Variants in TAS2R1 observed in about 807,000 individuals in gnomAD.
TAS2R1 encodes taste 2 receptor member 1, also known as taste receptor type 2 member 1.
For synonymous variants in TAS2R1, 141 were observed against 134.2 expected (o/e 1.05, Z -0.35); for missense variants, 370 against 353.4 (o/e 1.05, Z -0.38).
chr5:9,746,926 A>G, the TAS2R1 span, among the ~76,000 whole-genome samples: 2 of 152,230 alleles, frequency 1.3e-5, no homozygotes, highest in Non-Finnish European at 2.9e-5. Context: ...CAGAAGTTAA[A>G]GTAAAATAAA....
At chr5:9,635,583 T>C (rs1739948724) in intron 2 of TAS2R1, among the ~76,000 whole-genome samples, 1 of 151,866 alleles carries the variant, frequency 6.6e-6, no homozygotes, top group Non-Finnish European at 1.5e-5. Context: ...GTTCTGGACA[T>C]TTTTGTTGTG....
the TAS2R1 span, among the ~76,000 whole-genome samples, chr5:9,727,774 G>A: frequency 4.3e-4 from 66 of 152,300 alleles, no homozygotes; most frequent in African/African-American, 1.5e-3. Context: ...GTGTCTGCGT[G>A]GTCGGCTTCT....
chr5:9,890,237 A>G, the TAS2R1 span, among the ~76,000 whole-genome samples: 4 of 152,192 alleles, frequency 2.6e-5, no homozygotes. Flanking sequence ...TTCTCTCAAA[A>G]AGGCCGCCTA....
At chr5:9,692,152 G>GT (rs1196336166) in intron 1 of TAS2R1, among the ~76,000 whole-genome samples, 1 of 152,112 alleles carries the variant, frequency 6.6e-6, no homozygotes, top group African/African-American at 2.4e-5. Context: ...TTTCTCCCTT[G>GT]GTTCGTGTGA....
chr5:9,881,217 CAGAG>C, the TAS2R1 span, among the ~76,000 whole-genome samples: 1 of 151,894 alleles, frequency 6.6e-6, no homozygotes, highest in South Asian at 2.1e-4. Context: ...AGTAGACAAA[CAGAG>C]AGCCAAATCA....
the TAS2R1 span, among the ~76,000 whole-genome samples, chr5:9,817,803 G>A: frequency 2.7e-5 from 4 of 150,188 alleles, no homozygotes; most frequent in African/African-American, 7.3e-5. Flanking sequence ...GAGGCTTCAG[G>A]AAACTTACAA....
chr5:9,777,168 C>T, the TAS2R1 span, among the ~76,000 whole-genome samples: 2 of 152,064 alleles, frequency 1.3e-5, no homozygotes, highest in South Asian at 2.1e-4. Context: ...TTTGCTGCAT[C>T]GATTGACTCT....
At chr5:9,865,542 A>G in the TAS2R1 span, among the ~76,000 whole-genome samples, 1 of 152,124 alleles carries the variant, frequency 6.6e-6, no homozygotes, top group Non-Finnish European at 1.5e-5. Context: ...TTTCCTCTGA[A>G]CTGAAGAACT....
chr5:9,743,391 C>A, the TAS2R1 span, among the ~76,000 whole-genome samples: 3 of 151,886 alleles, frequency 2.0e-5, no homozygotes, highest in Non-Finnish European at 2.9e-5. Context: ...CATATGTATA[C>A]ATGTGCCATG....
At chr5:9,861,770 G>A in the TAS2R1 span, among the ~76,000 whole-genome samples, 1 of 152,150 alleles carries the variant, frequency 6.6e-6, no homozygotes. Flanking sequence ...TCAAATTTAG[G>A]ATGAGGGAGT....
At chr5:9,879,000 A>T in the TAS2R1 span, among the ~76,000 whole-genome samples, 1 of 152,206 alleles carries the variant, frequency 6.6e-6, no homozygotes, top group Non-Finnish European at 1.5e-5. Flanking sequence ...GCCTACCATC[A>T]CTAACTTCCA....
At chr5:9,648,250 T>G (rs1325950211) in intron 2 of TAS2R1, among the ~76,000 whole-genome samples, 1 of 152,148 alleles carries the variant, frequency 6.6e-6, no homozygotes, top group African/African-American at 2.4e-5. Context: ...TAAGTTGCAT[T>G]TTGGTAACTT....
chr5:9,778,664 G>C, the TAS2R1 span, among the ~76,000 whole-genome samples: 3 of 152,142 alleles, frequency 2.0e-5, no homozygotes. Context: ...TTATGTTATG[G>C]AGATGGCTTA....
At chr5:9,698,796 G>A (rs1741416474) in intron 1 of TAS2R1, among the ~76,000 whole-genome samples, 1 of 152,170 alleles carries the variant, frequency 6.6e-6, no homozygotes, top group African/African-American at 2.4e-5. Flanking sequence ...ATGAGATACG[G>A]CCAAACACCA....
chr5:9,665,620 A>G (rs1336322922), intron 1 of TAS2R1, among the ~76,000 whole-genome samples: 2 of 152,194 alleles, frequency 1.3e-5, no homozygotes, highest in African/African-American at 4.8e-5. Context: ...GATGTCTAAG[A>G]CCACAGCCTC....
intron 2 of TAS2R1, among the ~76,000 whole-genome samples, chr5:9,642,347 T>C (rs1416740573): frequency 2.0e-5 from 3 of 152,206 alleles, no homozygotes; most frequent in African/African-American, 7.2e-5. Context: ...ATTAACATTG[T>C]TGTATATTTA....
Sources: gnomAD v4.1 joint callset for allele counts (sites outside exome capture counted in the v4.1 genomes callset) on GRCh38, gnomAD v4.1.1 for gene constraint, MANE v1.5 for transcripts, NCBI Gene and HGNC (gene_info 2026-07-23, HGNC 2026-07-21) for gene names.